FAM171B: variants seen among roughly 807,000 people sequenced by gnomAD.
FAM171B encodes the protein family with sequence similarity 171 member B.
FAM171B carries 19 observed loss-of-function variants against 75.6 expected under a neutral mutation model. The ratio of observed to expected loss-of-function variants is 0.25; its 90% confidence interval spans 0.18 to 0.37. FAM171B has a LOEUF of 0.37. Ranked by LOEUF, FAM171B falls within the 10% of genes least tolerant of loss-of-function variation. The pLI is 1.00. For missense variants in FAM171B, 848 were observed against 982.4 expected, an observed-to-expected ratio of 0.86 and a Z score of 1.83; for synonymous variants, 367 against 361.7, an observed-to-expected ratio of 1.01 and a Z score of -0.17.
chr2:186,720,016 T>C (rs1383149389), intron 1 of FAM171B, among the ~76,000 whole-genome samples: 4 of 152,232 alleles, frequency 2.6e-5, no homozygotes, highest in Admixed American at 2.6e-4. Flanking sequence ...CAGTATAATC[T>C]TAACTGAAAA....
intron 1 of FAM171B, among the ~76,000 whole-genome samples, chr2:186,714,555 A>G (rs2105776296): frequency 6.6e-6 from 1 of 152,344 alleles, no homozygotes; most frequent in South Asian, 2.1e-4. Flanking sequence ...CATGATATAA[A>G]TTGTGTCCAA....
At chr2:186,759,973 G>A (rs1216800659) in intron 6 of FAM171B, among the ~76,000 whole-genome samples, 1 of 152,068 alleles carries the variant, frequency 6.6e-6, no homozygotes, top group Non-Finnish European at 1.5e-5. Flanking sequence ...TATGGTGAGA[G>A]ATAAGAGTGT....
intron 1 of FAM171B, among the ~76,000 whole-genome samples, chr2:186,722,895 G>C (rs781722610): frequency 6.6e-6 from 1 of 152,154 alleles, no homozygotes; most frequent in African/African-American, 2.4e-5. Context: ...CAATTATTTG[G>C]TGTTGAGGAT....
Position 186,751,151 on chromosome 2 carries a change from T to C in FAM171B, c.742T>C (p.Leu248=), listed in dbSNP as rs754351919. Residue 248 remains leucine, a synonymous_variant, in exon 5 of 8, where the codon TTG becomes CTG. Transcript: ENST00000304698. ...TTTTATAGGTTTTGAAAACATTGAA[T>C]TGACTCCTCTTGCTGCAATATGTGT... The part of the protein sequence containing the change: ...LNKPGFENIE[L]TPLAAICVKI... 6.2e-7 allele frequency: 1 copy of C among 1,603,402 alleles called. No individual in the cohort carries two copies. The highest frequency in any genetic ancestry group is 1.1e-5 in the South Asian group (1 of 89,672).
Position 186,753,977 on chromosome 2 carries a change from A to G in FAM171B, c.940A>G (p.Asn314Asp). The G allele has an allele frequency of 1.2e-6, 2 of 1,613,632 alleles. No individual in the cohort carries two copies. Among genetic ancestry groups the G allele is most frequent in the Non-Finnish European group, 1.7e-6 (2 of 1,179,766 alleles). ...TCGGGGAATGGTCAAGGAACATAAC[A>G]ATCATTTAATCTGGACATATGATGC... ...HGRGMVKEHN[N>D]HLIWTYDAPH... The change falls in exon 6 of 8, where the codon AAT (asparagine) becomes GAT (aspartate). Residue 314 changes from asparagine to aspartate, a missense_variant. This residue lies in a region of FAM171B where 665 missense variants were observed against 729.0 expected (regional missense o/e 0.91). Transcript: ENST00000304698.
chr2:186,721,433 GCAAT>G (rs1456299471), intron 1 of FAM171B, among the ~76,000 whole-genome samples: 5 of 152,172 alleles, frequency 3.3e-5, no homozygotes, highest in Middle Eastern at 3.4e-3. Context: ...ATTTATTCAA[GCAAT>G]CAGTCATGCA....
chr2:186,698,468 T>C (rs999557954), intron 1 of FAM171B, among the ~76,000 whole-genome samples: 2 of 152,212 alleles, frequency 1.3e-5, no homozygotes, highest in Non-Finnish European at 2.9e-5. Context: ...CATTGTTTTT[T>C]CACCCATACT....
Position 186,761,688 on chromosome 2 carries a change from A to G in FAM171B, c.1346A>G (p.Glu449Gly), listed in dbSNP as rs1184491835. 11 of 1,612,508 alleles carry G rather than the reference A, an allele frequency of 6.8e-6. No individual in the cohort carries two copies. The highest frequency in any genetic ancestry group is 9.3e-6 in the Non-Finnish European group (11 of 1,179,516). The change falls in exon 8 of 8, where the codon GAA becomes GGA. Residue 449 changes from glutamate to glycine, a missense_variant. Physicochemically the swap from Glu to Gly is moderately conservative, Grantham distance 98 (BLOSUM62 -2). Transcript: ENST00000304698. The stretch of plus-strand genomic sequence containing the variant: ...GAACCATCAAAGGCAGAAACAGAAG[A>G]AAGAGTTTCCATGGTAAAAACTCGG... ...KKEPSKAETE[E>G]RVSMVKTRDD...
intron 6 of FAM171B, among the ~76,000 whole-genome samples, chr2:186,759,088 T>C (rs1690577036): frequency 6.6e-6 from 1 of 152,116 alleles, no homozygotes; most frequent in Admixed American, 6.6e-5. Flanking sequence ...TTTAACACAA[T>C]GTCCTCAACT....
chr2:186,697,628 A>G (rs11695399), intron 1 of FAM171B, among the ~76,000 whole-genome samples: 23,791 of 152,102 alleles, frequency 0.16, 1,959 homozygotes, highest in South Asian at 0.22. Flanking sequence ...TTGAGCTTGC[A>G]TTCATTCTTT....
intron 1 of FAM171B, among the ~76,000 whole-genome samples, chr2:186,730,015 A>G (rs1431085774): frequency 6.6e-6 from 1 of 152,154 alleles, no homozygotes; most frequent in Non-Finnish European, 1.5e-5. Context: ...AGGCTGGAGT[A>G]CAGTGGCACG....
chr2:186,721,993 C>G (rs1338411632), intron 1 of FAM171B, among the ~76,000 whole-genome samples: 2 of 151,962 alleles, frequency 1.3e-5, no homozygotes, highest in Non-Finnish European at 2.9e-5. Context: ...ATTTTCTGCT[C>G]AAATTTATTT....
At chr2:186,731,109 A>G (rs946192273) in intron 1 of FAM171B, among the ~76,000 whole-genome samples, 45 of 152,214 alleles carry the variant, frequency 3.0e-4, no homozygotes, top group African/African-American at 1.1e-3. Flanking sequence ...GGTACTCAAC[A>G]TTATCCTTAA....
chr2:186,717,437 T>C (rs1454092637), intron 1 of FAM171B, among the ~76,000 whole-genome samples: 1 of 152,130 alleles, frequency 6.6e-6, no homozygotes, highest in African/African-American at 2.4e-5. Flanking sequence ...AGAGGAGAGA[T>C]CTTTTACATG....
chr2:186,703,410 G>T (rs541279016), intron 1 of FAM171B, among the ~76,000 whole-genome samples: 1 of 152,284 alleles, frequency 6.6e-6, no homozygotes, highest in South Asian at 2.1e-4. Flanking sequence ...CATAGCTCAT[G>T]CTGTGAGGAC....
At chr2:186,739,081 T>C (rs1690249698) in intron 1 of FAM171B, among the ~76,000 whole-genome samples, 1 of 152,184 alleles carries the variant, frequency 6.6e-6, no homozygotes, top group African/African-American at 2.4e-5. Context: ...TCAGTGCATC[T>C]AAACTGACAC....
intron 1 of FAM171B, among the ~76,000 whole-genome samples, chr2:186,736,567 G>GTGTGTGTGTGTGGGAGAGA (rs55683607): frequency 6.7e-5 from 7 of 104,590 alleles, no homozygotes; most frequent in Non-Finnish European, 1.4e-4. Context: ...TGTGTGTGTG[G>GTGTGTGTGTGTGGGAGAGA]GAGAGAGAGA....
At chr2:186,720,159 T>C (rs1025835784) in intron 1 of FAM171B, among the ~76,000 whole-genome samples, 3 of 152,208 alleles carry the variant, frequency 2.0e-5, no homozygotes, top group Non-Finnish European at 4.4e-5. Flanking sequence ...TGCCTCAGCC[T>C]CCTGAGTAGC....
chr2:186,762,907 G>A lies in FAM171B; in HGVS notation c.*84G>A, dbSNP rs1690643313. On this transcript the variant is annotated 3_prime_UTR_variant, in exon 8 of 8. Coordinates refer to ENST00000304698, the MANE Select transcript of FAM171B (RefSeq NM_177454.4). This position sits in a 1 kb window ranked among gnomAD's most constrained non-coding sequence, Gnocchi z 4.0. ...AATTGCAGTACGAACTTAAGAAAAT[G>A]AGACTGAGCAATCTCATGGTTCTTG... 6.7e-7 allele frequency: 1 copy of A among 1,484,906 alleles called. No individual in the cohort carries two copies. Among genetic ancestry groups the A allele is most frequent in the Non-Finnish European group, 9.1e-7 (1 of 1,101,692 alleles). 92.0% of individuals were successfully genotyped at this position (1,484,906 alleles called of 1,614,324 possible).
Sources: gnomAD v4.1 joint callset for allele counts (sites outside exome capture counted in the v4.1 genomes callset) on GRCh38, gnomAD v4.1.1 for gene constraint, gnomAD v4.1.1 regional missense constraint, Gnocchi (gnomAD v3.1) non-coding constraint, MANE v1.5 for transcripts, NCBI Gene and HGNC (gene_info 2026-07-23, HGNC 2026-07-21) for gene names.